Variants in PARD3B observed in about 807,000 individuals in gnomAD.
The protein encoded by PARD3B is par-3 family cell polarity regulator beta.
A neutral mutation model predicts 130.2 loss-of-function variants in PARD3B; 103 were observed. The observed-to-expected ratio is 0.79, with a 90% CI of 0.67 to 0.93. The LOEUF (loss-of-function observed/expected upper bound fraction) is 0.93, where lower values mean the gene tolerates loss of function less well. Ranked by LOEUF, PARD3B falls within the 40% of genes least tolerant of loss-of-function variation. The pLI is 0.00. For synonymous variants in PARD3B, 583 were observed against 553.2 expected (o/e 1.05, Z -0.76); for missense variants, 1,609 against 1,499.2 (o/e 1.07, Z -1.21).
chr2:204,749,080 A>T (rs1029719324), intron 2 of PARD3B, among the ~76,000 whole-genome samples: 2 of 152,024 alleles, frequency 1.3e-5, no homozygotes, highest in Non-Finnish European at 2.9e-5. Context: ...TTTGCAGGGA[A>T]TTTTTGTCCC....
chr2:204,804,098 T>A (rs1390065703), intron 2 of PARD3B, among the ~76,000 whole-genome samples: 1 of 152,098 alleles, frequency 6.6e-6, no homozygotes, highest in African/African-American at 2.4e-5. Context: ...TGTGTTGGCA[T>A]GTGCCTGTAG....
In PARD3B at chr2:205,533,784, C is replaced by T. The variant is rs188908688; in HGVS notation, c.3181-19540C>T. 4.0e-3 allele frequency among the ~76,000 whole-genome samples: 607 copies of T among 152,110 alleles called. 3 individuals carry two copies. Among genetic ancestry groups the T allele is most frequent in the Non-Finnish European group, 6.0e-3 (408 of 67,992 alleles). On this transcript the variant is annotated intron_variant, in intron 21 of 22. Coordinates refer to ENST00000406610, the MANE Select transcript of PARD3B (RefSeq NM_001302769.2). ...TTGCTTTGTCACCCAGGCTAGAGTG[C>T]AGGGGTGCAAACAGGTCACTGCAGC...
intron 2 of PARD3B, among the ~76,000 whole-genome samples, chr2:204,704,064 A>G (rs2038019974): frequency 1.3e-5 from 2 of 152,188 alleles, no homozygotes; most frequent in Non-Finnish European, 2.9e-5. Context: ...GTGCTCAGGT[A>G]TGAAGGAAAA....
intron 18 of PARD3B, among the ~76,000 whole-genome samples, chr2:205,314,906 C>G (rs1459111168): frequency 2.0e-5 from 3 of 152,126 alleles, no homozygotes; most frequent in East Asian, 1.9e-4. Context: ...GATGCCTCCC[C>G]CTTCCCATCT....
intron 3 of PARD3B, among the ~76,000 whole-genome samples, chr2:205,037,139 C>A (rs1698014443): frequency 7.0e-6 from 1 of 143,060 alleles, no homozygotes; most frequent in Admixed American, 7.0e-5. Context: ...ATATAGCGGA[C>A]TGTATATATA....
intron 1 of PARD3B, among the ~76,000 whole-genome samples, chr2:204,684,735 T>A (rs914843849): frequency 9.9e-5 from 15 of 152,224 alleles, no homozygotes; most frequent in African/African-American, 2.7e-4. Context: ...CCACTGCTTA[T>A]ATCTTTGAGA....
intron 3 of PARD3B, among the ~76,000 whole-genome samples, chr2:205,014,070 T>C (rs531931468): frequency 2.0e-5 from 3 of 152,302 alleles, no homozygotes; most frequent in Non-Finnish European, 2.9e-5. Context: ...TCCTGGAATT[T>C]AGGAAAGTCT....
At chr2:205,152,529 C>T (rs1005777046) in intron 10 of PARD3B, among the ~76,000 whole-genome samples, 7 of 152,182 alleles carry the variant, frequency 4.6e-5, no homozygotes, top group Admixed American at 2.0e-4. Context: ...GATACCCTTT[C>T]TTCCACTTGA....
chr2:205,484,340 C>T (rs1167969621), intron 20 of PARD3B, among the ~76,000 whole-genome samples: 4 of 152,132 alleles, frequency 2.6e-5, no homozygotes, highest in South Asian at 2.1e-4. Flanking sequence ...TGTTTTCCTC[C>T]GTGAGCCTCT....
chr2:205,442,604 A>G (rs958148639), intron 20 of PARD3B, among the ~76,000 whole-genome samples: 1 of 152,074 alleles, frequency 6.6e-6, no homozygotes, highest in African/African-American at 2.4e-5. Flanking sequence ...CCTGGGAAGA[A>G]CGGGTTTTCT....
At chr2:205,466,970 AC>A (rs2048647660) in intron 20 of PARD3B, among the ~76,000 whole-genome samples, 1 of 152,184 alleles carries the variant, frequency 6.6e-6, no homozygotes, top group Admixed American at 6.5e-5. Flanking sequence ...ACCTTGGCCT[AC>A]CAAAGTGCTG....
intron 18 of PARD3B, among the ~76,000 whole-genome samples, chr2:205,355,999 G>A (rs2044178418): frequency 6.6e-6 from 1 of 152,130 alleles, no homozygotes; most frequent in Non-Finnish European, 1.5e-5. Context: ...GGATTACGGG[G>A]ACTATAATTC....
At chr2:205,401,491 T>C (rs1032040021) in intron 19 of PARD3B, among the ~76,000 whole-genome samples, 7 of 152,188 alleles carry the variant, frequency 4.6e-5, no homozygotes, top group Admixed American at 3.9e-4. Context: ...CAGGCTGTTG[T>C]ATACCTTCTT....
At chr2:204,801,433 C>T (rs947397098) in intron 2 of PARD3B, among the ~76,000 whole-genome samples, 1 of 152,046 alleles carries the variant, frequency 6.6e-6, no homozygotes, top group African/African-American at 2.4e-5. Flanking sequence ...CCTTCACATC[C>T]CTTGTAAGTT....
chr2:205,176,179 G>A lies in PARD3B; in HGVS notation c.1792-266G>A, dbSNP rs1272041564. Among the ~76,000 whole-genome samples, 1 of 152,212 alleles carries A rather than the reference G, an allele frequency of 6.6e-6. No individual in the cohort carries two copies. The highest frequency in any genetic ancestry group is 1.5e-5 in the Non-Finnish European group (1 of 68,038). On this transcript the variant is annotated intron_variant, in intron 12 of 22. Coordinates refer to ENST00000406610, the MANE Select transcript of PARD3B (RefSeq NM_001302769.2). The surrounding 1 kb of genome is among the most constrained non-coding windows in gnomAD (Gnocchi z 5.3). ...AAAATTTGAAAGAAGCCAGTTATAA[G>A]TGGGAAAAGAGAATAATAAAGTTAA...
intron 2 of PARD3B, among the ~76,000 whole-genome samples, chr2:204,881,265 A>G (rs1049829456): frequency 4.6e-5 from 7 of 152,138 alleles, no homozygotes; most frequent in African/African-American, 1.4e-4. Context: ...ATCTATGTCT[A>G]TGTAAAATGC....
chr2:205,158,827 A>C lies in PARD3B; in HGVS notation c.1540A>C (p.Lys514Gln). Residue 514 changes from lysine (K) to glutamine (Q), a missense_variant, in exon 11 of 23, where the codon AAA becomes CAA. Transcript: ENST00000406610. The surrounding 1 kb of genome is among the most constrained non-coding windows in gnomAD (Gnocchi z 5.4). ...SGSAGLGVSL[K>Q]GNKSRETGTD... ...TTCTGCTGGCCTCGGGGTGAGCTTA[A>C]AAGGGAACAAATCCAGAGAAACTGG... 3.1e-6 allele frequency: 5 copies of C among 1,614,160 alleles called. No individual in the cohort carries two copies. The highest frequency in any genetic ancestry group is 4.2e-6 in the Non-Finnish European group (5 of 1,180,018).
In PARD3B at chr2:205,148,115, GTCTA is replaced by G. The variant is rs915610526; in HGVS notation, c.1435-10597_1435-10594del. Among the ~76,000 whole-genome samples, 26 of 151,820 alleles carry G rather than the reference GTCTA, an allele frequency of 1.7e-4. No individual in the cohort carries two copies. The East Asian group carries it at 4.1e-3, about 24-fold the overall frequency. On this transcript the variant is annotated intron_variant, in intron 10 of 22. Transcript: ENST00000406610. ...CCCTCTAGACTATATAGTCCATATTGTCTATCTATCTATATATTCTATTTTCTAT... is the reference window on the plus strand; with the variant it reads ...CCCTCTAGACTATATAGTCCATATTGTCTATCTATATATTCTATTTTCTAT...
At chr2:205,185,995 C>T (rs1467279457) in intron 14 of PARD3B, 132 bp downstream of exon 14, 2 of 713,866 alleles carry the variant, frequency 2.8e-6, no homozygotes, top group Non-Finnish European at 4.7e-6. Context: ...TCTATAATTC[C>T]TTTCCAGCGA....
Sources: gnomAD v4.1 joint callset for allele counts (sites outside exome capture counted in the v4.1 genomes callset) on GRCh38, gnomAD v4.1.1 for gene constraint, Gnocchi (gnomAD v3.1) non-coding constraint, MANE v1.5 for transcripts, NCBI Gene and HGNC (gene_info 2026-07-23, HGNC 2026-07-21) for gene names.